SBNO2: variants seen among roughly 807,000 people sequenced by gnomAD.
SBNO2 encodes the protein protein strawberry notch homolog 2.
A neutral mutation model predicts 146.3 loss-of-function variants in SBNO2; 89 were observed. That is an observed-to-expected ratio of 0.61 (90% CI 0.51 to 0.73). The LOEUF (loss-of-function observed/expected upper bound fraction) is 0.73. Among genes scored for constraint, SBNO2 ranks in the 30% least tolerant of loss-of-function variants. The pLI is 0.00. For missense variants in SBNO2, 2,092 were observed against 2,003.7 expected (o/e 1.04, Z -0.84); for synonymous variants, 1,147 against 892.6 (o/e 1.29, Z -5.08).
At position 1,157,631 on chromosome 19, in the gene SBNO2, CT is replaced by C. The variant is rs949504200; in HGVS notation, c.-126-3230del. ...AGGGGGCCCGCGCTTTATCAGCACG[CT>C]GACACCCAGAGGGGATGTGGCTTCC... On this transcript the variant is annotated intron_variant, in intron 1 of 31. Transcript: ENST00000361757. The surrounding 1 kb of genome is among the most constrained non-coding windows in gnomAD (Gnocchi z 6.8). 3.9e-5 allele frequency among the ~76,000 whole-genome samples: 6 copies of C among 152,218 alleles called. No individual in the cohort carries two copies. Among genetic ancestry groups the C allele is most frequent in the Non-Finnish European group, 8.8e-5 (6 of 68,034 alleles).
At chr19:1,159,225 C>T (rs1030437912) in intron 1 of SBNO2, among the ~76,000 whole-genome samples, 3 of 151,940 alleles carry the variant, frequency 2.0e-5, no homozygotes, top group Non-Finnish European at 4.4e-5. Context: ...TCACAAGGCT[C>T]AGCTAATATG....
intron 2 of SBNO2, among the ~76,000 whole-genome samples, chr19:1,151,505 T>A (rs926041725): frequency 2.6e-5 from 4 of 152,136 alleles, no homozygotes; most frequent in Non-Finnish European, 4.4e-5. Flanking sequence ...CCCACAGGGG[T>A]GCCATGGGCA....
At chr19:1,169,190 G>T (rs945846927) in intron 1 of SBNO2, 1 of 152,252 alleles carries the variant, frequency 6.6e-6, no homozygotes, top group African/African-American at 2.4e-5. Context: ...TGCACTGCAC[G>T]AGGCTGCCCG....
rs1312753115 is a variant in SBNO2 at position 1,108,308 on chromosome 19, CCCGCGCCCTCCCCCA to C, written c.3998_4012del (p.Leu1333_Gly1338delinsArg). On this transcript the variant is annotated inframe_deletion, in exon 32 of 32. Transcript: ENST00000361757. ...ACCACCGCCCGCCGCGCCCCCCGCCCCCGCGCCCTCCCCCAGCGCGCCCTCGGAGGGCGGCCCCGC... is the reference window on the plus strand; with the variant it reads ...ACCACCGCCCGCCGCGCCCCCCGCCCGCGCGCCCTCGGAGGGCGGCCCCGC... 13 of 1,457,844 alleles carry C rather than the reference CCCGCGCCCTCCCCCA, an allele frequency of 8.9e-6. No individual in the cohort carries two copies. The highest frequency in any genetic ancestry group is 1.2e-5 in the Non-Finnish European group (13 of 1,101,080). 90.3% of individuals were successfully genotyped at this position (1,457,844 alleles called of 1,614,324 possible). A position where few individuals can be genotyped will look rare whatever the true frequency, so the allele number is the denominator to read the frequency against.
At chr19:1,138,377 G>C (rs74839330) in intron 4 of SBNO2, among the ~76,000 whole-genome samples, 16,831 of 151,630 alleles carry the variant, frequency 0.11, 1,314 homozygotes, top group African/African-American at 0.21. Flanking sequence ...GGCTGCAGCA[G>C]CAAGGGCCCC....
At chr19:1,132,091 T>C in intron 4 of SBNO2, 1 of 1,540,670 alleles carries the variant, frequency 6.5e-7, no homozygotes, top group Non-Finnish European at 8.7e-7. Flanking sequence ...GAGTGTTACC[T>C]TGTTCAGAGC....
In SBNO2 at chr19:1,132,140, C is replaced by T. The variant is rs866399462; in HGVS notation, c.280-4375G>A. ...CACAGCTGCAGCTGGGACATGGTCC[C>T]GGCGCTCGGGGGGCCAGGGGTCCCC... On this transcript the variant is annotated intron_variant, in intron 4 of 31. Coordinates refer to ENST00000361757, the MANE Select transcript of SBNO2 (RefSeq NM_014963.3). 5.3e-6 allele frequency: 8 copies of T among 1,503,630 alleles called. No individual in the cohort carries two copies. In the African/African-American group the frequency reaches 8.8e-5, roughly 16 times the overall value. The allele number at this position is 1,503,630 out of a possible 1,614,324, so 93.1% of individuals were successfully genotyped here. A position where few individuals can be genotyped will look rare whatever the true frequency, so the allele number is the denominator to read the frequency against.
At chr19:1,161,927 T>TGGGG (rs1568638145) in intron 1 of SBNO2, among the ~76,000 whole-genome samples, 2 of 8,214 alleles carry the variant, frequency 2.4e-4, no homozygotes, top group African/African-American at 1.4e-3. Flanking sequence ...GGGGGGGGGT[T>TGGGG]GGGCCAGGCC....
intron 1 of SBNO2, among the ~76,000 whole-genome samples, chr19:1,164,402 GAGGAGGAGGAGGAGGAAC>G (rs1244517689): frequency 7.4e-5 from 8 of 107,638 alleles, no homozygotes; most frequent in Non-Finnish European, 7.9e-5. Flanking sequence ...GGAGGAGGAG[GAGGAGGAGGAGGAGGAAC>G]AGGAGGAGGA....
Position 1,173,003 on chromosome 19 carries a change from T to A in SBNO2, c.-127+1169A>T, listed in dbSNP as rs1302368865. Among the ~76,000 whole-genome samples the A allele has an allele frequency of 2.0e-5, 3 of 151,640 alleles. No individual in the cohort carries two copies. The East Asian group carries it at 5.8e-4, about 30-fold the overall frequency. ...CACATTTAAGAGATTTTTTTTTTTT[T>A]TTTTTAACTTTTCAGAATGTTAATC... is the stretch of plus-strand genomic sequence containing the variant. On this transcript the variant is annotated intron_variant, in intron 1 of 31. Coordinates refer to ENST00000361757, the MANE Select transcript of SBNO2 (RefSeq NM_014963.3). The surrounding 1 kb of genome is among the most constrained non-coding windows in gnomAD (Gnocchi z 4.7).
intron 4 of SBNO2, chr19:1,128,171 G>A (rs546164948): frequency 1.1e-4 from 52 of 481,240 alleles, no homozygotes; most frequent in Non-Finnish European, 1.9e-4. Flanking sequence ...CAATGGGTGA[G>A]AAACACCAAC....
chr19:1,129,835 C>A (rs2080008444), intron 4 of SBNO2, among the ~76,000 whole-genome samples: 1 of 152,172 alleles, frequency 6.6e-6, no homozygotes. Context: ...GCGTGGGTCA[C>A]ACGGCCAGTC....
At position 1,122,806 on chromosome 19, in the gene SBNO2, C is replaced by G; in HGVS notation, c.781-15G>C. 2.6e-6 allele frequency: 4 copies of G among 1,538,124 alleles called. No homozygotes were observed. Among genetic ancestry groups the G allele is most frequent in the Non-Finnish European group, 2.6e-6 (3 of 1,146,176 alleles). ...ACCTCGTGTTGCTGTTGCCGGAGAGCAGGCGTCAGGGCCTGGGGGTGCTGG... is the reference window on the plus strand; with the variant it reads ...ACCTCGTGTTGCTGTTGCCGGAGAGGAGGCGTCAGGGCCTGGGGGTGCTGG... On this transcript the variant is annotated splice_polypyrimidine_tract_variant and intron_variant, in intron 8 of 31. Transcript: ENST00000361757.
intron 17 of SBNO2, among the ~76,000 whole-genome samples, chr19:1,115,191 A>T (rs1190511383): frequency 6.6e-6 from 1 of 151,774 alleles, no homozygotes; most frequent in East Asian, 1.9e-4. Context: ...CAGCCTTCCA[A>T]AGTGCTGGGA....
chr19:1,147,710 G>A (rs7508137), intron 3 of SBNO2, among the ~76,000 whole-genome samples: 11,701 of 151,936 alleles, frequency 0.077, 738 homozygotes, highest in African/African-American at 0.17. Context: ...CGCCCTCCCC[G>A]CTCCATCAGC....
At chr19:1,168,206 G>C (rs1400607324) in intron 1 of SBNO2, among the ~76,000 whole-genome samples, 1 of 152,136 alleles carries the variant, frequency 6.6e-6, no homozygotes, top group Non-Finnish European at 1.5e-5. Context: ...GCAGCGTTGG[G>C]TGCCCAGACC....
rs1157477118 is a variant in SBNO2, at chr19:1,158,785, G to T, written c.-126-4383C>A. Among the ~76,000 whole-genome samples, 1 of 152,140 alleles carries T rather than the reference G, an allele frequency of 6.6e-6. No homozygotes were observed. The highest frequency in any genetic ancestry group is 6.5e-5 in the Admixed American group (1 of 15,280). On this transcript the variant is annotated intron_variant, in intron 1 of 31. Coordinates refer to ENST00000361757, the MANE Select transcript of SBNO2 (RefSeq NM_014963.3). The surrounding 1 kb of genome is among the most constrained non-coding windows in gnomAD (Gnocchi z 9.9). ...GAAGATGGCAAGGAGCAGGCCCCCG[G>T]GTGTCCCGGGAACCCCGCACAGAGC...
At chr19:1,114,898 G>T (rs2079813195) in intron 17 of SBNO2, among the ~76,000 whole-genome samples, 1 of 152,088 alleles carries the variant, frequency 6.6e-6, no homozygotes, top group Non-Finnish European at 1.5e-5. Context: ...CTCCCAAAGT[G>T]CTGGGATTAT....
chr19:1,109,223 G>C lies in SBNO2; in HGVS notation c.3349-12C>G. 1.9e-6 allele frequency: 3 copies of C among 1,569,628 alleles called. No individual in the cohort carries two copies. Among genetic ancestry groups the C allele is most frequent in the Non-Finnish European group, 2.6e-6 (3 of 1,158,132 alleles). On this transcript the variant is annotated splice_polypyrimidine_tract_variant and intron_variant, in intron 29 of 31. Transcript: ENST00000361757. The surrounding 1 kb of genome is among the most constrained non-coding windows in gnomAD (Gnocchi z 4.2). ...TCCTCCGCGGTGACCTAGGGACACA[G>C]GGCCGCATGAGCCTGGGCGGGGTCA...
Sources: gnomAD v4.1 joint callset for allele counts (sites outside exome capture counted in the v4.1 genomes callset) on GRCh38, gnomAD v4.1.1 for gene constraint, Gnocchi (gnomAD v3.1) non-coding constraint, MANE v1.5 for transcripts, NCBI Gene and HGNC (gene_info 2026-07-23, HGNC 2026-07-21) for gene names.